ADGRG2: variants seen among roughly 807,000 people sequenced by gnomAD.
The protein encoded by ADGRG2 is G protein-coupled receptor 64.
Under a neutral mutation model 74.1 loss-of-function variants are expected in ADGRG2, and 26 were observed. The observed-to-expected ratio is 0.35, with a 90% CI of 0.26 to 0.49. The LOEUF is 0.49. ADGRG2 is among the 20% of genes least tolerant of loss of function. ADGRG2 has a pLI of 0.99. For synonymous variants in ADGRG2, 296 were observed against 295.2 expected, an observed-to-expected ratio of 1.00 and a Z score of -0.03; for missense variants, 619 against 763.1, an observed-to-expected ratio of 0.81 and a Z score of 2.22.
intron 3 of ADGRG2, among the ~76,000 whole-genome samples, chrX:19,066,852 C>T (rs1281402814): frequency 1.8e-5 from 2 of 111,330 alleles, no homozygotes; most frequent in Non-Finnish European, 3.8e-5. Flanking sequence ...GATGCCTTTT[C>T]TTCTTGTTCC....
At chrX:19,025,895 C>CA (rs766825184) in intron 11 of ADGRG2, among the ~76,000 whole-genome samples, 46 of 101,305 alleles carry the variant, frequency 4.5e-4, no homozygotes, top group South Asian at 2.6e-3. Context: ...GACTCCATCT[C>CA]AAAAAAAAAA....
intron 3 of ADGRG2, among the ~76,000 whole-genome samples, chrX:19,066,894 T>C (rs2061577966): frequency 9.0e-6 from 1 of 111,461 alleles, no homozygotes; most frequent in Admixed American, 9.6e-5. Flanking sequence ...TTTCCGAAAA[T>C]ACCAGGCTGC....
rs747248791 is a variant in ADGRG2, at chrX:19,122,163, G to C, written c.-47+279C>G. 3.8e-3 allele frequency among the ~76,000 whole-genome samples: 425 copies of C among 112,698 alleles called. 2 individuals carry two copies. The highest frequency in any genetic ancestry group is 0.013 in the African/African-American group (408 of 31,204). ...CTCCGTCCGAAGGTTTTGGAGACGCGCGTCTCCCCTTGGAGCCTCCTTTCC... is the reference window on the plus strand; with the variant it reads ...CTCCGTCCGAAGGTTTTGGAGACGCCCGTCTCCCCTTGGAGCCTCCTTTCC... On this transcript the variant is annotated intron_variant, in intron 1 of 28. Coordinates refer to ENST00000379869, the MANE Select transcript of ADGRG2 (RefSeq NM_001079858.3).
intron 1 of ADGRG2, among the ~76,000 whole-genome samples, chrX:19,098,602 C>T (rs935187605): frequency 1.8e-5 from 2 of 111,698 alleles, no homozygotes; most frequent in Non-Finnish European, 3.8e-5. Context: ...TCAGTAGTAG[C>T]TCAGTAAAAC....
rs1006300090 is a variant in ADGRG2 at position 19,008,019 on chromosome X, C to T, written c.1527G>A (p.Arg509=). The T allele has an allele frequency of 3.3e-6, 4 of 1,201,838 alleles. No homozygotes were observed. The Admixed American group carries it at 6.6e-5, about 20-fold the overall frequency. ...LPAHDMELAS[R]VQFNFFETPA... is the part of the protein sequence containing the mutation. ...GTGTTTCAAAAAAATTGAACTGAAC[C>T]CTGGAAGCTAGCTCCATGTCATGAG... Residue 509 remains arginine, a synonymous_variant, in exon 19 of 29, where the codon AGG becomes AGA. Transcript: ENST00000379869.
At chrX:19,109,296 A>G (rs993407187) in intron 1 of ADGRG2, among the ~76,000 whole-genome samples, 1 of 111,376 alleles carries the variant, frequency 9.0e-6, no homozygotes, top group African/African-American at 3.3e-5. Flanking sequence ...TTCTCCAAAT[A>G]CCCCAAAAAC....
intron 1 of ADGRG2, among the ~76,000 whole-genome samples, chrX:19,088,113 C>A (rs1431006497): frequency 8.9e-6 from 1 of 112,277 alleles, no homozygotes; most frequent in African/African-American, 3.2e-5. Flanking sequence ...CAGGACATAA[C>A]CTTCCTTAGA....
At chrX:19,017,866 TA>T (rs763931254) in intron 15 of ADGRG2, among the ~76,000 whole-genome samples, 15 of 99,429 alleles carry the variant, frequency 1.5e-4, no homozygotes, top group African/African-American at 1.1e-4. Context: ...AAAGAAAAAG[TA>T]AAAAAAAAAA....
intron 1 of ADGRG2, among the ~76,000 whole-genome samples, chrX:19,107,829 G>C (rs746857154): frequency 9.2e-6 from 1 of 109,272 alleles, no homozygotes; most frequent in Non-Finnish European, 1.9e-5. Context: ...GGCTGGGCGC[G>C]GTGGCTCACG....
intron 24 of ADGRG2, among the ~76,000 whole-genome samples, chrX:19,002,206 A>G (rs892117212): frequency 1.4e-4 from 16 of 110,421 alleles, no homozygotes; most frequent in African/African-American, 4.9e-4. Flanking sequence ...GATTATCTTT[A>G]GTCAAGGATA....
At chrX:19,108,078 G>T (rs2062344197) in intron 1 of ADGRG2, among the ~76,000 whole-genome samples, 1 of 98,724 alleles carries the variant, frequency 1.0e-5, no homozygotes, top group African/African-American at 3.9e-5. Flanking sequence ...CAGCACTCCA[G>T]CCTGGGTGAC....
At chrX:19,016,864 C>T (rs2060482480) in intron 15 of ADGRG2, among the ~76,000 whole-genome samples, 1 of 109,156 alleles carries the variant, frequency 9.2e-6, no homozygotes, top group African/African-American at 3.3e-5. Flanking sequence ...GCAGCTGGGA[C>T]TACAGGTGTA....
chrX:19,072,606 T>C (rs534426875), intron 2 of ADGRG2, among the ~76,000 whole-genome samples: 1 of 111,380 alleles, frequency 9.0e-6, no homozygotes, highest in Non-Finnish European at 1.9e-5. Context: ...CTGATCAAAA[T>C]AAACTATGCC....
chrX:19,043,610 C>CT (rs1458937744), intron 3 of ADGRG2, among the ~76,000 whole-genome samples: 1 of 111,001 alleles, frequency 9.0e-6, no homozygotes, highest in Non-Finnish European at 1.9e-5. Context: ...GTATGACTCC[C>CT]TAGTGATTTT....
intron 2 of ADGRG2, among the ~76,000 whole-genome samples, chrX:19,074,404 T>C: frequency 1.6e-5 from 1 of 62,238 alleles, no homozygotes; most frequent in African/African-American, 7.4e-5. Flanking sequence ...CATGCCTGGC[T>C]AATTTTTTTA....
chrX:18,996,164 A>T lies in ADGRG2; in HGVS notation c.2615-12T>A. On this transcript the variant is annotated splice_polypyrimidine_tract_variant and intron_variant, in intron 26 of 28. Transcript: ENST00000379869. ...GAATATGAAAAATCCTAAGGAGGGA[A>T]AAAAAACCCACAATGAATTCCAAGC... 1.2e-6 allele frequency: 1 copy of T among 840,452 alleles called. No homozygotes were observed. The allele number at this position is 840,452 out of a possible 1,213,427, so 69.3% of individuals were successfully genotyped here.
intron 3 of ADGRG2, among the ~76,000 whole-genome samples, chrX:19,046,449 C>T (rs142840026): frequency 3.6e-5 from 4 of 112,324 alleles, no homozygotes; most frequent in Admixed American, 9.5e-5. Flanking sequence ...CCCAACTAGA[C>T]GCTAAGCTGC....
At chrX:19,082,093 A>AAAAAG (rs2061859148) in intron 2 of ADGRG2, among the ~76,000 whole-genome samples, 2 of 107,766 alleles carry the variant, frequency 1.9e-5, no homozygotes, top group South Asian at 3.9e-4. Flanking sequence ...AAAAAAAAAA[A>AAAAAG]AAAAGAAAAG....
chrX:18,999,880 TG>T lies in ADGRG2; in HGVS notation c.2310del (p.Asn771MetfsTer26). On this transcript the variant is annotated frameshift_variant, in exon 25 of 29. Transcript: ENST00000379869. LOFTEE classifies it high-confidence loss of function. Reference sequence around the variant, plus strand: ...ACTCACAAGTCATCCGGTGAACCATTGGGGAATTTCCCATAGGATCCAAGCC... The same window carrying T: ...ACTCACAAGTCATCCGGTGAACCATTGGGAATTTCCCATAGGATCCAAGCC... ...NYGLGSYGKF[P>X]NGSPDDFCWI... The T allele has an allele frequency of 8.5e-7, 1 of 1,182,806 alleles. No individual in the cohort carries two copies. The highest frequency in any genetic ancestry group is 1.2e-6 in the Non-Finnish European group (1 of 869,115).
Sources: gnomAD v4.1 joint callset for allele counts (sites outside exome capture counted in the v4.1 genomes callset) on GRCh38, gnomAD v4.1.1 for gene constraint, MANE v1.5 for transcripts, NCBI Gene and HGNC (gene_info 2026-07-23, HGNC 2026-07-21) for gene names.